Variants in SFMBT2 observed in about 807,000 individuals in gnomAD.
SFMBT2 encodes scm-like with four MBT domains protein 2.
A neutral mutation model predicts 110.1 loss-of-function variants in SFMBT2; 38 were observed. That is an observed-to-expected ratio of 0.35 (90% confidence interval 0.27 to 0.45). The LOEUF (loss-of-function observed/expected upper bound fraction) is 0.45. Ranked by LOEUF, SFMBT2 falls within the 20% of genes least tolerant of loss-of-function variation. SFMBT2 has a pLI of 1.00. For synonymous variants in SFMBT2, 425 were observed against 425.4 expected, an observed-to-expected ratio of 1.00 and a Z score of 0.01; for missense variants, 1,011 against 1,094.9, an observed-to-expected ratio of 0.92 and a Z score of 1.08.
chr10:7,200,206 C>G (rs935714615), intron 14 of SFMBT2, among the ~76,000 whole-genome samples: 1 of 152,112 alleles, frequency 6.6e-6, no homozygotes, highest in Non-Finnish European at 1.5e-5. Flanking sequence ...GAGCTACTGG[C>G]CAAGAAGCAG....
At position 7,253,255 on chromosome 10, in the gene SFMBT2, G is replaced by A. The variant is rs142670338; in HGVS notation, c.871-4606C>T. On this transcript the variant is annotated intron_variant, in intron 7 of 20. Transcript: ENST00000397167. ...AATAGTAAGGAAACTGCTCTGTGAGGCCTTCTGGAAAACTATCAAATCCAA... is the reference window on the plus strand; with the variant it reads ...AATAGTAAGGAAACTGCTCTGTGAGACCTTCTGGAAAACTATCAAATCCAA... Among the ~76,000 whole-genome samples, 32 of 152,282 alleles carry A rather than the reference G, an allele frequency of 2.1e-4. 1 individual carries two copies. The highest frequency in any genetic ancestry group is 2.1e-3 in the Admixed American group (32 of 15,306).
At position 7,408,216 on chromosome 10, in the gene SFMBT2, G is replaced by C. The variant is rs2132137562; in HGVS notation, c.-52+2645C>G. 6.6e-6 allele frequency among the ~76,000 whole-genome samples: 1 copy of C among 152,360 alleles called. No individual in the cohort carries two copies. The highest frequency in any genetic ancestry group is 1.9e-4 in the East Asian group (1 of 5,166). ...TGCTCCCCACCTCGCGGGGCCCATG[G>C]GAAAGCCGGCCCCGGGAGGGCGCGC... On this transcript the variant is annotated intron_variant, in intron 1 of 20. Transcript: ENST00000397167. This position sits in a 1 kb window ranked among gnomAD's most constrained non-coding sequence, Gnocchi z 5.7.
chr10:7,187,042 G>A (rs1319053193), intron 16 of SFMBT2, among the ~76,000 whole-genome samples: 1 of 152,174 alleles, frequency 6.6e-6, no homozygotes, highest in African/African-American at 2.4e-5. Context: ...ATTGTATCAG[G>A]CTGGATTTAA....
intron 4 of SFMBT2, among the ~76,000 whole-genome samples, chr10:7,345,589 C>A (rs908146808): frequency 1.3e-5 from 2 of 152,184 alleles, no homozygotes; most frequent in African/African-American, 4.8e-5. Context: ...GAACTCCTGA[C>A]CTCGTGATCT....
intron 4 of SFMBT2, among the ~76,000 whole-genome samples, chr10:7,320,948 C>T (rs7094711): frequency 2.0e-5 from 3 of 152,086 alleles, no homozygotes; most frequent in African/African-American, 7.2e-5. Context: ...TTAAATAAAT[C>T]GTCTAAAAAA....
chr10:7,167,896 C>T (rs529011694), intron 20 of SFMBT2, among the ~76,000 whole-genome samples: 1 of 152,218 alleles, frequency 6.6e-6, no homozygotes, highest in East Asian at 1.9e-4. Flanking sequence ...AGCAATAGGG[C>T]AGAACTCTGT....
intron 4 of SFMBT2, chr10:7,286,294 G>C: frequency 2.8e-6 from 1 of 354,566 alleles, no homozygotes; most frequent in Non-Finnish European, 3.9e-6. Context: ...AGTGAGGCTA[G>C]GGAAATCAGA....
intron 4 of SFMBT2, among the ~76,000 whole-genome samples, chr10:7,342,467 G>GGT (rs1443087098): frequency 7.3e-6 from 1 of 137,280 alleles, no homozygotes; most frequent in African/African-American, 2.7e-5. Flanking sequence ...GGAGTGCAGT[G>GGT]GTGCAATCTC....
intron 5 of SFMBT2, 124 bp from the exon 6 acceptor site, chr10:7,284,274 G>T (rs533220937): frequency 3.4e-6 from 5 of 1,484,346 alleles, no homozygotes; most frequent in Non-Finnish European, 4.5e-6. Flanking sequence ...ACAGTCTGGC[G>T]TTCCCTCCAC....
At chr10:7,389,585 G>A (rs1241690735) in intron 1 of SFMBT2, among the ~76,000 whole-genome samples, 1 of 152,114 alleles carries the variant, frequency 6.6e-6, no homozygotes, top group Non-Finnish European at 1.5e-5. Context: ...GTCTCTGTTG[G>A]ACAACAGAAT....
intron 9 of SFMBT2, among the ~76,000 whole-genome samples, chr10:7,228,672 C>CTTTCT (rs1163114000): frequency 2.4e-5 from 2 of 84,998 alleles, no homozygotes; most frequent in African/African-American, 1.0e-4. Flanking sequence ...ACTAAAGTGG[C>CTTTCT]TTCTTTCTTT....
chr10:7,228,359 A>G, intron 9 of SFMBT2: 1 of 800,314 alleles, frequency 1.2e-6, no homozygotes, highest in Non-Finnish European at 1.5e-6. Context: ...ATGAGATTTT[A>G]CTGGGAAATA....
At chr10:7,164,115 A>C in intron 20 of SFMBT2, 2 of 985,422 alleles carry the variant, frequency 2.0e-6, no homozygotes, top group South Asian at 9.4e-5. Flanking sequence ...AGCCGGGCAC[A>C]GTGGCTCACG....
At chr10:7,360,109 G>A (rs909671838) in intron 4 of SFMBT2, among the ~76,000 whole-genome samples, 1 of 152,192 alleles carries the variant, frequency 6.6e-6, no homozygotes, top group African/African-American at 2.4e-5. Context: ...TCTTCTAATT[G>A]GAGAGCTATG....
In SFMBT2 at chr10:7,334,924, A is replaced by G. The variant is rs150682266; in HGVS notation, c.436+32725T>C. On this transcript the variant is annotated intron_variant, in intron 4 of 20. Coordinates refer to ENST00000397167, the MANE Select transcript of SFMBT2 (RefSeq NM_001387889.1). ...GTTTACCAGGGAAATGATCACAGAA[A>G]TTAACACCTGAAACAGGCCTGACAC... Among the ~76,000 whole-genome samples, 887 of 152,330 alleles carry G rather than the reference A, an allele frequency of 5.8e-3. 6 individuals are homozygous for G. The highest frequency in any genetic ancestry group is 0.019 in the African/African-American group (808 of 41,566).
intron 4 of SFMBT2, among the ~76,000 whole-genome samples, chr10:7,302,229 G>C (rs1842573617): frequency 6.6e-6 from 1 of 152,088 alleles, no homozygotes. Context: ...CAACCAGATA[G>C]TTACTTGTTT....
chr10:7,315,288 T>C (rs1265930751), intron 4 of SFMBT2, among the ~76,000 whole-genome samples: 1 of 152,112 alleles, frequency 6.6e-6, no homozygotes, highest in Non-Finnish European at 1.5e-5. Context: ...AATCAGCAGA[T>C]TGAGTAGAGC....
In SFMBT2 at chr10:7,301,879, C is replaced by T. The variant is rs945244474; in HGVS notation, c.437-15925G>A. On this transcript the variant is annotated intron_variant, in intron 4 of 20. Transcript: ENST00000397167. The surrounding 1 kb of genome is among the most constrained non-coding windows in gnomAD (Gnocchi z 4.2). ...ACTGGTGTAGAATTTTTTAAAAAAC[C>T]GTTTTGGGCTGGGAGACCTCAGGAG... Among the ~76,000 whole-genome samples the T allele has an allele frequency of 1.3e-5, 2 of 151,874 alleles. No homozygotes were observed. The highest frequency in any genetic ancestry group is 2.4e-5 in the African/African-American group (1 of 41,326).
intron 11 of SFMBT2, among the ~76,000 whole-genome samples, chr10:7,218,070 G>A (rs1839601213): frequency 6.6e-6 from 1 of 152,108 alleles, no homozygotes; most frequent in Non-Finnish European, 1.5e-5. Context: ...ACCTAAAAGT[G>A]GTCAGTCTAG....
Sources: allele counts gnomAD v4.1 joint callset (sites outside exome capture counted in the v4.1 genomes callset), GRCh38; gene constraint gnomAD v4.1.1; non-coding constraint Gnocchi (gnomAD v3.1); transcripts MANE v1.5; gene names NCBI Gene and HGNC (gene_info 2026-07-23, HGNC 2026-07-21).